Variants in GNG7 observed in about 807,000 individuals in gnomAD.
GNG7 encodes the protein guanine nucleotide-binding protein G(I)/G(S)/G(O) subunit gamma-7.
In GNG7, 1 loss-of-function variant was observed where a neutral mutation model predicts 4.0. That is an observed-to-expected ratio of 0.25 (90% confidence interval 0.09 to 1.18). GNG7 has a LOEUF of 1.18. Among genes scored for constraint, GNG7 ranks in the 50% most tolerant of loss-of-function variants. GNG7 has a pLI of 0.50. For missense variants in GNG7, 86 were observed against 91.9 expected (o/e 0.94, Z 0.26); for synonymous variants, 34 against 36.9 (o/e 0.92, Z 0.29).
rs6510680 is a variant in GNG7, at chr19:2,530,141, G to A, written c.-37-9416C>T. Among the ~76,000 whole-genome samples the A allele has an allele frequency of 2.9e-3, 449 of 152,382 alleles. 2 individuals carry two copies. The highest frequency in any genetic ancestry group is 0.01 in the African/African-American group (426 of 41,594). On this transcript the variant is annotated intron_variant, in intron 3 of 4. Transcript: ENST00000382159. Reference sequence around the variant, plus strand: ...AGAAAAGCTGGACAGGGCCGGGTGCGGCGGCTCACGCCTGTGATCCCAGCA... The same window carrying A: ...AGAAAAGCTGGACAGGGCCGGGTGCAGCGGCTCACGCCTGTGATCCCAGCA...
intron 2 of GNG7, among the ~76,000 whole-genome samples, chr19:2,587,420 G>A (rs576374380): frequency 1.3e-5 from 2 of 152,286 alleles, no homozygotes; most frequent in East Asian, 3.9e-4. Flanking sequence ...CTTCTGATGA[G>A]AATCACAGCT....
chr19:2,513,550 GC>G lies in GNG7; in HGVS notation c.*1471del. 5 of 985,512 alleles carry G rather than the reference GC, an allele frequency of 5.1e-6. No individual in the cohort carries two copies. Among genetic ancestry groups the G allele is most frequent in the Non-Finnish European group, 6.0e-6 (5 of 830,018 alleles). 61.0% of individuals were successfully genotyped at this position (985,512 alleles called of 1,614,324 possible). ...CCCATGACATCTTCGATTTCCACTTGCCGCTGGGAGGAGTGGCCCATCCTGC... is the reference window on the plus strand; with the variant it reads ...CCCATGACATCTTCGATTTCCACTTGCGCTGGGAGGAGTGGCCCATCCTGC... On this transcript the variant is annotated 3_prime_UTR_variant, in exon 5 of 5. Coordinates refer to ENST00000382159, the MANE Select transcript of GNG7 (RefSeq NM_052847.3).
chr19:2,685,717 C>T (rs1366959420), intron 1 of GNG7, among the ~76,000 whole-genome samples: 1 of 152,108 alleles, frequency 6.6e-6, no homozygotes, highest in African/African-American at 2.4e-5. Flanking sequence ...GTCACGAGGC[C>T]CCGTCCACTG....
chr19:2,537,759 A>G (rs12710070), intron 3 of GNG7, among the ~76,000 whole-genome samples: 118,342 of 151,216 alleles, frequency 0.78, 46,597 homozygotes, highest in East Asian at 0.98. Context: ...CAGTGACTGC[A>G]GGGCTGACAA....
Position 2,520,719 on chromosome 19 carries a change from C to T in GNG7, c.-31G>A, listed in dbSNP as rs536221370. On this transcript the variant is annotated 5_prime_UTR_variant, in exon 4 of 5. Transcript: ENST00000382159. ...GCCATCAGCTCTGGGCCCCGTTGTTCAGAGAGCTGTGGGGGAAGCAGAGGG... is the reference window on the plus strand; with the variant it reads ...GCCATCAGCTCTGGGCCCCGTTGTTTAGAGAGCTGTGGGGGAAGCAGAGGG... 176 of 1,330,444 alleles carry T rather than the reference C, an allele frequency of 1.3e-4. No individual in the cohort carries two copies. The African/African-American group carries it at 2.2e-3, about 16-fold the overall frequency. 82.4% of individuals were successfully genotyped at this position (1,330,444 alleles called of 1,614,324 possible). A position where few individuals can be genotyped will look rare whatever the true frequency, so the allele number is the denominator to read the frequency against.
chr19:2,668,834 T>A (rs1462132564), intron 1 of GNG7, among the ~76,000 whole-genome samples: 2 of 152,124 alleles, frequency 1.3e-5, no homozygotes, highest in Non-Finnish European at 2.9e-5. Context: ...GGTAGGGGGC[T>A]GTGCTGAGTA....
At chr19:2,697,915 T>C (rs375525263) in intron 1 of GNG7, among the ~76,000 whole-genome samples, 62 of 150,352 alleles carry the variant, frequency 4.1e-4, no homozygotes, top group Middle Eastern at 3.4e-3. Context: ...GAGGTTGCAA[T>C]GAGACAAGAT....
intron 2 of GNG7, among the ~76,000 whole-genome samples, chr19:2,588,472 G>A (rs963699967): frequency 6.6e-6 from 1 of 152,198 alleles, no homozygotes; most frequent in South Asian, 2.1e-4. Flanking sequence ...CTGGTGAATC[G>A]CACAGGGCCG....
chr19:2,634,595 A>G lies in GNG7; in HGVS notation c.-78+11629T>C, dbSNP rs1383212153. 6.6e-6 allele frequency among the ~76,000 whole-genome samples: 1 copy of G among 152,076 alleles called. No homozygotes were observed. Among genetic ancestry groups the G allele is most frequent in the Non-Finnish European group, 1.5e-5 (1 of 68,002 alleles). ...CGCCCCGTAATTACTTGCGGGCTGC[A>G]CACACGTTTTCTCTCGGGGAGGGTG... On this transcript the variant is annotated intron_variant, in intron 2 of 4. Transcript: ENST00000382159. The surrounding 1 kb of genome is among the most constrained non-coding windows in gnomAD (Gnocchi z 5.3).
intron 3 of GNG7, among the ~76,000 whole-genome samples, chr19:2,540,093 T>A (rs1183435260): frequency 6.9e-6 from 1 of 144,176 alleles, no homozygotes; most frequent in Non-Finnish European, 1.5e-5. Flanking sequence ...TCTCTCTGTT[T>A]CTTTCTCAAT....
chr19:2,586,971 C>G (rs920026286), intron 2 of GNG7, among the ~76,000 whole-genome samples: 1 of 112,026 alleles, frequency 8.9e-6, no homozygotes, highest in Non-Finnish European at 1.7e-5. Context: ...GGTGACAGAG[C>G]GGGACTCCAT....
At chr19:2,524,731 CGTGT>C (rs974537909) in intron 3 of GNG7, among the ~76,000 whole-genome samples, 23 of 151,834 alleles carry the variant, frequency 1.5e-4, no homozygotes, top group African/African-American at 4.8e-4. Context: ...CCAGTGTGCA[CGTGT>C]GTATGTGCAC....
chr19:2,690,724 T>G (rs1287970634), intron 1 of GNG7, among the ~76,000 whole-genome samples: 1 of 152,012 alleles, frequency 6.6e-6, no homozygotes, highest in African/African-American at 2.4e-5. Flanking sequence ...CTCCTGAGTA[T>G]CTGGGGTTAC....
chr19:2,583,367 C>A lies in GNG7; in HGVS notation c.-77-28179G>T, dbSNP rs190463853. 5.3e-4 allele frequency among the ~76,000 whole-genome samples: 80 copies of A among 152,296 alleles called. No individual in the cohort carries two copies. The East Asian group carries it at 0.014, about 26-fold the overall frequency. On this transcript the variant is annotated intron_variant, in intron 2 of 4. Transcript: ENST00000382159. Reference sequence around the variant, plus strand: ...ATGATTAAAAATGGACCTCTCACCCCCTTTGTAGACTGTGGAACCCGGGCT... The same window carrying A: ...ATGATTAAAAATGGACCTCTCACCCACTTTGTAGACTGTGGAACCCGGGCT...
intron 2 of GNG7, among the ~76,000 whole-genome samples, chr19:2,565,575 T>TCCAGGACTGAATCCATGAGAA (rs1979880966): frequency 6.6e-6 from 1 of 151,030 alleles, no homozygotes; most frequent in Non-Finnish European, 1.5e-5. Context: ...GTTCCTTCCC[T>TCCAGGACTGAATCCATGAGAA]CCAGGACTGA....
rs1420532721 is a variant in GNG7 at position 2,600,423 on chromosome 19, C to T, written c.-77-45235G>A. Among the ~76,000 whole-genome samples, 4 of 151,268 alleles carry T rather than the reference C, an allele frequency of 2.6e-5. No individual in the cohort carries two copies. The South Asian group carries it at 6.3e-4, about 24-fold the overall frequency. The stretch of plus-strand genomic sequence containing the variant: ...ATGCAACCTCTGAAAACTCCACCAT[C>T]TGTGTGGGAGAGACTGGGAGGAAGG... On this transcript the variant is annotated intron_variant, in intron 2 of 4. Transcript: ENST00000382159.
chr19:2,523,553 T>A (rs2144730590), intron 3 of GNG7, among the ~76,000 whole-genome samples: 1 of 152,134 alleles, frequency 6.6e-6, no homozygotes, highest in South Asian at 2.1e-4. Flanking sequence ...ACACGAATGA[T>A]CCCTGTTAGT....
chr19:2,579,429 G>T (rs1024770420), intron 2 of GNG7, among the ~76,000 whole-genome samples: 1 of 152,190 alleles, frequency 6.6e-6, no homozygotes, highest in African/African-American at 2.4e-5. Flanking sequence ...CCGGGCGACC[G>T]GGAAGATAGC....
rs112077544 is a variant in GNG7, at chr19:2,546,600, C to T, written c.-38+8549G>A. 8.5e-5 allele frequency among the ~76,000 whole-genome samples: 13 copies of T among 152,222 alleles called. No homozygotes were observed. Among genetic ancestry groups the T allele is most frequent in the Middle Eastern group, 3.4e-3 (1 of 294 alleles). ...AGAGAGGGAATGAATGAGGTGCCCA[C>T]GAGAAAGTGAAAAATAGACCAGCGG... On this transcript the variant is annotated intron_variant, in intron 3 of 4. Coordinates refer to ENST00000382159, the MANE Select transcript of GNG7 (RefSeq NM_052847.3). This position sits in a 1 kb window ranked among gnomAD's most constrained non-coding sequence, Gnocchi z 6.3.
Sources: gnomAD v4.1 joint callset for allele counts (sites outside exome capture counted in the v4.1 genomes callset) on GRCh38, gnomAD v4.1.1 for gene constraint, Gnocchi (gnomAD v3.1) non-coding constraint, MANE v1.5 for transcripts, NCBI Gene and HGNC (gene_info 2026-07-23, HGNC 2026-07-21) for gene names.